UBE2W: variants seen among roughly 807,000 people sequenced by gnomAD.
The protein encoded by UBE2W is ubiquitin conjugating enzyme E2 W, also known as ubiquitin-conjugating enzyme E2 W.
Under a neutral mutation model 27.2 loss-of-function variants are expected in UBE2W, and 18 were observed. That is an observed-to-expected ratio of 0.66 (90% confidence interval 0.46 to 0.98). The LOEUF is 0.98. UBE2W is among the 50% of genes least tolerant of loss of function. The pLI is 0.00. For synonymous variants in UBE2W, 53 were observed against 57.2 expected (o/e 0.93, Z 0.33); for missense variants, 90 against 180.2 (o/e 0.50, Z 2.87).
intron 1 of UBE2W, among the ~76,000 whole-genome samples, chr8:73,846,784 G>A (rs16938735): frequency 0.012 from 1,779 of 152,274 alleles, 36 homozygotes; most frequent in African/African-American, 0.04. Flanking sequence ...TTTTAAGGTC[G>A]TAGTGTTTAA....
chr8:73,817,382 TTCAC>T (rs1202307809), intron 3 of UBE2W, among the ~76,000 whole-genome samples: 3 of 152,338 alleles, frequency 2.0e-5, no homozygotes, highest in Admixed American at 6.5e-5. Context: ...TCAGATTTCT[TTCAC>T]TCAAATAGAA....
intron 1 of UBE2W, among the ~76,000 whole-genome samples, chr8:73,863,670 C>T (rs1001648380): frequency 6.6e-6 from 1 of 151,190 alleles, no homozygotes; most frequent in African/African-American, 2.4e-5. Flanking sequence ...AGGCAAAAGA[C>T]TCACTTGAAC....
intron 1 of UBE2W, among the ~76,000 whole-genome samples, chr8:73,865,997 A>T (rs1327741015): frequency 1.3e-5 from 2 of 152,070 alleles, no homozygotes; most frequent in Non-Finnish European, 2.9e-5. Flanking sequence ...TTCTCAGCAG[A>T]CCAGGAGCAG....
chr8:73,810,276 T>G (rs574383099), intron 4 of UBE2W, among the ~76,000 whole-genome samples, 198 bp downstream of exon 4: 1 of 152,334 alleles, frequency 6.6e-6, no homozygotes, highest in Non-Finnish European at 1.5e-5. Flanking sequence ...TTCTACCCCA[T>G]TCAACATGTA....
chr8:73,850,373 C>T (rs1404197621), intron 1 of UBE2W, among the ~76,000 whole-genome samples: 2 of 152,036 alleles, frequency 1.3e-5, no homozygotes, highest in African/African-American at 4.8e-5. Context: ...TAACCTAGCA[C>T]TTGCATTTGT....
intron 1 of UBE2W, among the ~76,000 whole-genome samples, chr8:73,860,496 T>C (rs887102613): frequency 2.0e-5 from 3 of 152,094 alleles, no homozygotes; most frequent in African/African-American, 4.8e-5. Flanking sequence ...ACTGCCCTCA[T>C]TGAGTTAAAA....
downstream of UBE2W, among the ~76,000 whole-genome samples, chr8:73,785,480 C>T (rs1395866429): frequency 1.3e-5 from 2 of 152,158 alleles, no homozygotes; most frequent in Admixed American, 6.5e-5. Flanking sequence ...AGGGGGTACA[C>T]GTGCAGGTTG....
At chr8:73,860,909 A>ATCC (rs1811508830) in intron 1 of UBE2W, among the ~76,000 whole-genome samples, 2 of 152,082 alleles carry the variant, frequency 1.3e-5, no homozygotes, top group African/African-American at 4.8e-5. Flanking sequence ...CCAAGGGAGG[A>ATCC]GGATCGCTTG....
At chr8:73,843,858 G>A (rs748941725) in intron 1 of UBE2W, among the ~76,000 whole-genome samples, 13 of 151,880 alleles carry the variant, frequency 8.6e-5, no homozygotes, top group Admixed American at 5.2e-4. Context: ...GTGTGGTGGT[G>A]CACACCTGTG....
At chr8:73,845,155 G>T (rs544286903) in intron 1 of UBE2W, among the ~76,000 whole-genome samples, 3 of 144,792 alleles carry the variant, frequency 2.1e-5, no homozygotes, top group African/African-American at 7.5e-5. Flanking sequence ...CTGCCCGGCC[G>T]CCCTGTCTGT....
intron 1 of UBE2W, among the ~76,000 whole-genome samples, chr8:73,866,122 T>C (rs2130982958): frequency 6.6e-6 from 1 of 151,660 alleles, no homozygotes; most frequent in Admixed American, 6.6e-5. Flanking sequence ...AATACAAAAA[T>C]TAGCCGGGTG....
chr8:73,824,072 C>T (rs565434037), intron 3 of UBE2W, among the ~76,000 whole-genome samples: 2 of 152,270 alleles, frequency 1.3e-5, no homozygotes, highest in South Asian at 2.1e-4. Flanking sequence ...TCATGTCTTA[C>T]CATTTTAGCC....
At chr8:73,794,522 T>G (rs893027097) in intron 5 of UBE2W, among the ~76,000 whole-genome samples, 2 of 152,186 alleles carry the variant, frequency 1.3e-5, no homozygotes, top group Non-Finnish European at 2.9e-5. Context: ...CAATTTGTCT[T>G]TAGACTGTGA....
chr8:73,867,694 G>C (rs566512468), intron 1 of UBE2W, among the ~76,000 whole-genome samples: 1 of 147,900 alleles, frequency 6.8e-6, no homozygotes, highest in Admixed American at 6.9e-5. Flanking sequence ...CGTGAGTGAC[G>C]GAGTGAGGCT....
At chr8:73,856,041 C>T (rs1175697985) in intron 1 of UBE2W, among the ~76,000 whole-genome samples, 4 of 152,076 alleles carry the variant, frequency 2.6e-5, no homozygotes, top group Admixed American at 6.6e-5. Context: ...ATATTACCTT[C>T]GTCTAATGCT....
chr8:73,861,601 A>C (rs1023961010), intron 1 of UBE2W, among the ~76,000 whole-genome samples: 1 of 152,124 alleles, frequency 6.6e-6, no homozygotes, highest in Non-Finnish European at 1.5e-5. Context: ...AGCCATCGTG[A>C]CCAACCCAGA....
At chr8:73,851,450 T>C (rs1310258008) in intron 1 of UBE2W, among the ~76,000 whole-genome samples, 1 of 152,174 alleles carries the variant, frequency 6.6e-6, no homozygotes, top group East Asian at 1.9e-4. Context: ...GTGTTACTAC[T>C]CTACACAGGA....
chr8:73,810,382 T>A (rs1176846644), intron 4 of UBE2W, 92 bp downstream of exon 4: 1 of 1,247,682 alleles, frequency 8.0e-7, no homozygotes, highest in African/African-American at 1.6e-5. Flanking sequence ...GCATAAATCC[T>A]TCCTCCAAAT....
At chr8:73,785,796 G>A (rs114028160), downstream of UBE2W, among the ~76,000 whole-genome samples, 1,137 of 152,282 alleles carry the variant, frequency 7.5e-3, 16 homozygotes, top group African/African-American at 0.026. Flanking sequence ...ATGTTGGCCA[G>A]GCTGGTCTCA....
Sources: gnomAD v4.1 joint callset for allele counts (sites outside exome capture counted in the v4.1 genomes callset) on GRCh38, gnomAD v4.1.1 for gene constraint, MANE v1.5 for transcripts, NCBI Gene and HGNC (gene_info 2026-07-23, HGNC 2026-07-21) for gene names.